The following ISLR2 variants were observed in gnomAD, a reference collection of about 807,000 sequenced individuals.
ISLR2 encodes immunoglobulin superfamily containing leucine-rich repeat protein 2.
Under a neutral mutation model 25.5 loss-of-function variants are expected in ISLR2, and 16 were observed. The ratio of observed to expected loss-of-function variants is 0.63; its 90% CI spans 0.43 to 0.95. ISLR2 has a LOEUF of 0.95. ISLR2 is among the 40% of genes least tolerant of loss of function. The pLI, the probability that ISLR2 is intolerant of heterozygous loss-of-function variation, is 0.00. For missense variants in ISLR2, 883 were observed against 1,030.7 expected, an observed-to-expected ratio of 0.86 and a Z score of 1.96; for synonymous variants, 508 against 486.6, an observed-to-expected ratio of 1.04 and a Z score of -0.58.
Position 74,133,489 on chromosome 15 carries a change from A to T in ISLR2, c.735A>T (p.Ala245=). The change falls in exon 3 of 3, where the codon GCA becomes GCT. Residue 245 remains alanine (A), a synonymous_variant. Transcript: ENST00000453268. ...TGAGTGCCGAGCCACCGCTTGAAGC[A>T]CCCGGCACCCCACTGCGCGCAGGAC... is the stretch of plus-strand genomic sequence containing the variant. ...VHLSAEPPLE[A]PGTPLRAGLA... The T allele has an allele frequency of 6.2e-7, 1 of 1,613,516 alleles. No individual in the cohort carries two copies. Among genetic ancestry groups the T allele is most frequent in the Non-Finnish European group, 8.5e-7 (1 of 1,179,892 alleles).
chr15:74,130,321 T>C (rs1398019191), upstream of ISLR2: 1 of 151,070 alleles, frequency 6.6e-6, no homozygotes, highest in East Asian at 2.0e-4. Context: ...TTATGCATCA[T>C]GTTGAACGTG....
chr15:74,128,284 G>C, upstream of ISLR2: 1 of 360,716 alleles, frequency 2.8e-6, no homozygotes, highest in Non-Finnish European at 5.3e-6. Context: ...GCGGGCACTG[G>C]GCTCTCCAGG....
At chr15:74,104,168 A>G (rs1402536029) in intron 2 of ISLR2, among the ~76,000 whole-genome samples, 1 of 152,238 alleles carries the variant, frequency 6.6e-6, no homozygotes, top group Middle Eastern at 3.2e-3. Flanking sequence ...GTTTTAGGTC[A>G]GCAGTTCTCA....
chr15:74,129,099 C>T (rs1004421935), upstream of ISLR2: 53 of 453,560 alleles, frequency 1.2e-4, no homozygotes, highest in Non-Finnish European at 2.1e-4. This position sits in a 1 kb window ranked among gnomAD's most constrained non-coding sequence, Gnocchi z 4.5. Context: ...CATGGGTCGG[C>T]GGGGGGGGAC....
chr15:74,106,994 G>A (rs138199951), intron 2 of ISLR2, among the ~76,000 whole-genome samples: 60 of 152,200 alleles, frequency 3.9e-4, no homozygotes, highest in African/African-American at 1.4e-3. Flanking sequence ...TGGGGCTCTG[G>A]TCAGTAGCCC....
At chr15:74,107,401 TG>T (rs2072129826) in intron 2 of ISLR2, among the ~76,000 whole-genome samples, 1 of 152,200 alleles carries the variant, frequency 6.6e-6, no homozygotes. Flanking sequence ...AGTGTGGGTA[TG>T]GCTGTCCATT....
At chr15:74,128,846 C>G, upstream of ISLR2, 1 of 396,962 alleles carries the variant, frequency 2.5e-6, no homozygotes, top group Non-Finnish European at 5.0e-6. Context: ...GACAACTGCC[C>G]AAGACGCCGC....
At chr15:74,139,370 AT>A (rs2072598783), downstream of ISLR2, among the ~76,000 whole-genome samples, 1 of 152,194 alleles carries the variant, frequency 6.6e-6, no homozygotes. Context: ...CTCTTTTTAA[AT>A]GTAATTAATT....
chr15:74,128,605 A>T (rs1040571520), upstream of ISLR2: 1 of 456,614 alleles, frequency 2.2e-6, no homozygotes, highest in South Asian at 1.5e-5. Context: ...TCTCCCTTCC[A>T]TTACCCAGAT....
chr15:74,134,013 A>G lies in ISLR2; in HGVS notation c.1259A>G (p.Gln420Arg). Residue 420 changes from glutamine (Q) to arginine (R), a missense_variant, in exon 3 of 3, where the codon CAA (glutamine) becomes CGA (arginine). This residue lies in a region of ISLR2 where 612 missense variants were observed against 642.8 expected (regional missense o/e 0.95). Coordinates refer to ENST00000453268, the MANE Select transcript of ISLR2 (RefSeq NM_020851.3). ...PSKPEGKIKG[Q>R]GLAKVSILGE... ...AAACCCGAGGGCAAAATCAAAGGCC[A>G]AGGCCTGGCCAAGGTCAGCATTCTC... The G allele has an allele frequency of 6.2e-7, 1 of 1,613,142 alleles. No homozygotes were observed. Among genetic ancestry groups the G allele is most frequent in the Non-Finnish European group, 8.5e-7 (1 of 1,179,658 alleles).
upstream of ISLR2, chr15:74,128,962 C>T (rs1275005889): frequency 2.2e-6 from 1 of 455,984 alleles, no homozygotes. Flanking sequence ...CTCAGGGACT[C>T]ACCCCGGGCT....
At chr15:74,129,059 C>T (rs1490364798), upstream of ISLR2, 1 of 456,526 alleles carries the variant, frequency 2.2e-6, no homozygotes, top group Non-Finnish European at 4.4e-6. The surrounding 1 kb of genome is among the most constrained non-coding windows in gnomAD (Gnocchi z 4.5). Context: ...TTCGAAGACA[C>T]CTTCCCTGAA....
rs766016409 is a variant in ISLR2, at chr15:74,135,014, C to T, written c.*22C>T. On this transcript the variant is annotated 3_prime_UTR_variant, in exon 3 of 3. Coordinates refer to ENST00000453268, the MANE Select transcript of ISLR2 (RefSeq NM_020851.3). ...CTGAACCTCCGCCCGTCCGGCCCGC[C>T]CATTCCCGACCTCCACCTAGGGTGC... The T allele has an allele frequency of 1.9e-6, 3 of 1,601,312 alleles. No homozygotes were observed. The highest frequency in any genetic ancestry group is 2.6e-6 in the Non-Finnish European group (3 of 1,173,014).
rs1436245428 is a variant in ISLR2, at chr15:74,116,687, G to A, written n.228+12773G>A. Among the ~76,000 whole-genome samples, 141 of 152,162 alleles carry A rather than the reference G, an allele frequency of 9.3e-4. 3 individuals carry two copies. Among genetic ancestry groups the A allele is most frequent in the Admixed American group, 9.2e-3 (141 of 15,272 alleles). On this transcript the variant is annotated intron_variant and non_coding_transcript_variant, in intron 2 of 3. Transcript: ENST00000561975. ...ACTGAGGCAAAAGTAATAACATTAT[G>A]GGGTTTATAACATGTGGAAGTAAAA...
At chr15:74,123,098 C>T (rs577223917) in intron 2 of ISLR2, among the ~76,000 whole-genome samples, 6 of 152,212 alleles carry the variant, frequency 3.9e-5, no homozygotes, top group African/African-American at 9.6e-5. Flanking sequence ...GTGCCCCAAC[C>T]GCCCCTGAAT....
chr15:74,115,037 G>A (rs2072199842), intron 2 of ISLR2, among the ~76,000 whole-genome samples: 1 of 152,186 alleles, frequency 6.6e-6, no homozygotes, highest in Admixed American at 6.5e-5. Context: ...GGGCTGATAT[G>A]GATGTATGTG....
At chr15:74,114,809 G>A (rs191726079) in intron 2 of ISLR2, among the ~76,000 whole-genome samples, 2 of 152,260 alleles carry the variant, frequency 1.3e-5, no homozygotes, top group East Asian at 3.9e-4. Flanking sequence ...GAACCCTACA[G>A]TGTCCTCAGT....
Position 74,133,560 on chromosome 15 carries a change from G to A in ISLR2, c.806G>A (p.Arg269His), listed in dbSNP as rs777296234. 1.2e-6 allele frequency: 2 copies of A among 1,614,142 alleles called. No homozygotes were observed. The highest frequency in any genetic ancestry group is 2.2e-5 in the South Asian group (2 of 91,086). The change falls in exon 3 of 3, where the codon CGC (arginine) becomes CAC (histidine). Residue 269 changes from arginine to histidine, a missense_variant. By Grantham distance (29) the Arg-to-His change is conservative. Transcript: ENST00000453268. ...HCIADGHPTP[R>H]LQWQLQIPGG... ...ATCGCCGACGGCCACCCTACGCCTC[G>A]CCTGCAATGGCAACTTCAGATCCCC...
rs2072491501 is a variant in ISLR2 at position 74,133,835 on chromosome 15, C to T, written c.1081C>T (p.Leu361=). ...GVYTCRAHNE[L]GANSTSIRVA... Reference sequence around the variant, plus strand: ...CTACACTTGCCGTGCACACAATGAGCTGGGCGCCAACTCTACGTCAATACG... The same window carrying T: ...CTACACTTGCCGTGCACACAATGAGTTGGGCGCCAACTCTACGTCAATACG... Residue 361 remains leucine (L), a synonymous_variant, in exon 3 of 3, where the codon CTG becomes TTG. Transcript: ENST00000453268. 2 of 1,613,794 alleles carry T rather than the reference C, an allele frequency of 1.2e-6. No individual in the cohort carries two copies. The highest frequency in any genetic ancestry group is 1.7e-6 in the Non-Finnish European group (2 of 1,179,912).
Sources: allele counts gnomAD v4.1 joint callset (sites outside exome capture counted in the v4.1 genomes callset), GRCh38; gene constraint gnomAD v4.1.1; regional missense constraint gnomAD v4.1.1; non-coding constraint Gnocchi (gnomAD v3.1); transcripts MANE v1.5; gene names NCBI Gene and HGNC (gene_info 2026-07-23, HGNC 2026-07-21).